The following CACNA1G variants were observed in gnomAD, a reference collection of about 807,000 sequenced individuals.
CACNA1G encodes voltage-dependent T-type calcium channel subunit alpha-1G.
CACNA1G carries 67 observed loss-of-function variants against 219.4 expected under a neutral mutation model. That is an observed-to-expected ratio of 0.31 (90% confidence interval 0.25 to 0.37). The LOEUF (loss-of-function observed/expected upper bound fraction) is 0.37, where lower values mean the gene tolerates loss of function less well. CACNA1G is among the 10% of genes least tolerant of loss of function. The pLI is 1.00. For synonymous variants in CACNA1G, 1,296 were observed against 1,345.3 expected (o/e 0.96, Z 0.80); for missense variants, 2,380 against 3,231.4 (o/e 0.74, Z 6.39).
chr17:50,577,439 G>A (rs534304883), intron 8 of CACNA1G, among the ~76,000 whole-genome samples: 17 of 149,210 alleles, frequency 1.1e-4, no homozygotes, highest in African/African-American at 3.5e-4. Flanking sequence ...GAGTGTGTGC[G>A]CACGAGTGCA....
chr17:50,623,026 T>C (rs569137492), intron 35 of CACNA1G, among the ~76,000 whole-genome samples: 5 of 151,310 alleles, frequency 3.3e-5, no homozygotes, highest in Admixed American at 6.6e-5. Flanking sequence ...TCCCTGCTCC[T>C]TGGGAGGGTC....
intron 3 of CACNA1G, 89 bp downstream of exon 3, chr17:50,569,387 C>T: frequency 7.1e-7 from 1 of 1,404,578 alleles, no homozygotes; most frequent in Non-Finnish European, 1.0e-6. Context: ...CTCTCAGCTC[C>T]AGCCCAGTTA....
In CACNA1G at chr17:50,571,802, G is replaced by A. The variant is rs566299372; in HGVS notation, c.587-76G>A. On this transcript the variant is annotated intron_variant, in intron 4 of 37. Transcript: ENST00000359106. This position sits in a 1 kb window ranked among gnomAD's most constrained non-coding sequence, Gnocchi z 4.3. The stretch of plus-strand genomic sequence containing the variant: ...TCAGAGTCCCTGGTGGGGCCCCTCC[G>A]GGAGTGCTGCCGGGCCGTGGCAGTC... The A allele has an allele frequency of 1.5e-4, 230 of 1,538,008 alleles. 1 individual carries two copies. Among genetic ancestry groups the A allele is most frequent in the African/African-American group, 1.5e-3 (107 of 73,574 alleles).
chr17:50,596,962 T>G lies in CACNA1G; in HGVS notation c.3258+39T>G. 2 of 1,475,030 alleles carry G rather than the reference T, an allele frequency of 1.4e-6. No individual in the cohort carries two copies. The highest frequency in any genetic ancestry group is 1.8e-6 in the Non-Finnish European group (2 of 1,105,250). The allele number at this position is 1,475,030 out of a possible 1,614,324, so 91.4% of individuals were successfully genotyped here. On this transcript the variant is annotated intron_variant, in intron 16 of 37. Transcript: ENST00000359106. The surrounding 1 kb of genome is among the most constrained non-coding windows in gnomAD (Gnocchi z 4.8). ...GTGGGTACCCTGATGGTGGGAGATA[T>G]TCCAAGGAGGACAGGAGGAAGAGAG...
intron 26 of CACNA1G, among the ~76,000 whole-genome samples, chr17:50,612,631 C>T (rs2049474219): frequency 1.3e-5 from 2 of 152,252 alleles, no homozygotes; most frequent in Non-Finnish European, 2.9e-5. Flanking sequence ...CTCATTGCCA[C>T]TCCCCTTTGC....
chr17:50,583,985 G>A (rs2042506781), intron 9 of CACNA1G, among the ~76,000 whole-genome samples: 1 of 152,174 alleles, frequency 6.6e-6, no homozygotes, highest in Non-Finnish European at 1.5e-5. Context: ...AGGTTCTCTG[G>A]GCCGGGGCAC....
chr17:50,624,110 C>T, intron 36 of CACNA1G, 35 bp downstream of exon 36: 5 of 1,596,396 alleles, frequency 3.1e-6, no homozygotes, highest in Non-Finnish European at 4.3e-6. Context: ...TTGGCTCACA[C>T]AGGGAGATTC....
intron 13 of CACNA1G, among the ~76,000 whole-genome samples, chr17:50,592,469 T>A (rs368355752): frequency 1.8e-3 from 280 of 152,058 alleles, no homozygotes; most frequent in African/African-American, 6.5e-3. Context: ...AGCCGAGGGG[T>A]GCAGGAGGCT....
chr17:50,592,171 C>T, intron 13 of CACNA1G, 79 bp downstream of exon 13: 1 of 1,462,718 alleles, frequency 6.8e-7, no homozygotes. Context: ...AGCCTCCTCC[C>T]TCTGTTGCCA....
intron 2 of CACNA1G, 54 bp downstream of exon 2, chr17:50,569,035 C>A (rs1446281994): frequency 1.0e-4 from 99 of 964,548 alleles, no homozygotes; most frequent in Non-Finnish European, 1.3e-4. Context: ...TGGGGGTTGG[C>A]CCCTCTTAAT....
At chr17:50,593,460 G>A (rs1250068064) in intron 13 of CACNA1G, among the ~76,000 whole-genome samples, 1 of 152,252 alleles carries the variant, frequency 6.6e-6, no homozygotes, top group Non-Finnish European at 1.5e-5. Flanking sequence ...GTCTGGAGGT[G>A]CCCAGCACAG....
chr17:50,574,540 G>C (rs1338957983), intron 7 of CACNA1G, among the ~76,000 whole-genome samples: 1 of 152,134 alleles, frequency 6.6e-6, no homozygotes, highest in Non-Finnish European at 1.5e-5. Context: ...GTGCTTCAGG[G>C]AAGTGGGGTC....
At chr17:50,588,801 G>A (rs1421266427) in intron 9 of CACNA1G, among the ~76,000 whole-genome samples, 1 of 152,222 alleles carries the variant, frequency 6.6e-6, no homozygotes, top group African/African-American at 2.4e-5. Context: ...CAGTCTGAAA[G>A]TTTATCTCTC....
intron 6 of CACNA1G, 81 bp from the exon 7 acceptor site, chr17:50,572,940 G>C (rs990142002): frequency 1.3e-5 from 21 of 1,572,328 alleles, no homozygotes; most frequent in African/African-American, 2.7e-5. Context: ...CTCAGGGTTG[G>C]GGTGGGGGTC....
At position 50,571,034 on chromosome 17, in the gene CACNA1G, A is replaced by G. The variant is rs1227689905; in HGVS notation, c.587-844A>G. On this transcript the variant is annotated intron_variant, in intron 4 of 37. Coordinates refer to ENST00000359106, the MANE Select transcript of CACNA1G (RefSeq NM_018896.5). This position sits in a 1 kb window ranked among gnomAD's most constrained non-coding sequence, Gnocchi z 4.3. ...GGCGGACTGGGGGCTGGTTCAGACC[A>G]TTTGGGCCGGTTGGGTTCTAGACCT... 1.3e-5 allele frequency among the ~76,000 whole-genome samples: 2 copies of G among 152,114 alleles called. No homozygotes were observed. Among genetic ancestry groups the G allele is most frequent in the Non-Finnish European group, 2.9e-5 (2 of 68,016 alleles).
At chr17:50,601,742 G>C (rs2046691041) in intron 19 of CACNA1G, among the ~76,000 whole-genome samples, 1 of 152,140 alleles carries the variant, frequency 6.6e-6, no homozygotes, top group East Asian at 1.9e-4. Context: ...GCTCACCCTG[G>C]GAGCTGTCTC....
rs2035513103 is a variant in CACNA1G, at chr17:50,561,265, C to T, written c.-195C>T. On this transcript the variant is annotated 5_prime_UTR_variant, in exon 1 of 38. Transcript: ENST00000359106. Reference sequence around the variant, plus strand: ...CGCGCCGGGCGGGGTTTCCCTGCGCCCCGGCGCCCCGCGGGCAGCATGCCC... The same window carrying T: ...CGCGCCGGGCGGGGTTTCCCTGCGCTCCGGCGCCCCGCGGGCAGCATGCCC... 6.7e-6 allele frequency: 4 copies of T among 594,580 alleles called. No individual in the cohort carries two copies. In the East Asian group the frequency reaches 9.7e-5, roughly 14 times the overall value. The allele number at this position is 594,580 out of a possible 1,614,324, so 36.8% of individuals were successfully genotyped here.
At chr17:50,597,800 C>T (rs1465602787) in intron 16 of CACNA1G, among the ~76,000 whole-genome samples, 1 of 152,208 alleles carries the variant, frequency 6.6e-6, no homozygotes, top group Non-Finnish European at 1.5e-5. Flanking sequence ...CCCATCCTTA[C>T]CTCTCCCAAC....
chr17:50,575,835 C>A lies in CACNA1G; in HGVS notation c.1433C>A (p.Pro478His), dbSNP rs867065467. The change falls in exon 8 of 38, where the codon CCC becomes CAC. Residue 478 changes from proline (P) to histidine (H), a missense_variant. Around this residue, in one of 17 missense-constraint regions of CACNA1G, gnomAD observed 434 missense variants for 417.3 expected, o/e 1.04. Transcript: ENST00000359106. The stretch of plus-strand genomic sequence containing the variant: ...CCCCTCGGGGGCCAGGAGACCCAGC[C>A]CAGCAGCAGCTGCTCTCGCTCCCAC... The part of the protein sequence containing the change: ...PAPLGGQETQ[P>H]SSSCSRSHRR... 1.3e-6 allele frequency: 2 copies of A among 1,550,256 alleles called. No homozygotes were observed. The highest frequency in any genetic ancestry group is 3.4e-4 in the Middle Eastern group (2 of 5,950).
Sources: allele counts gnomAD v4.1 joint callset (sites outside exome capture counted in the v4.1 genomes callset), GRCh38; gene constraint gnomAD v4.1.1; regional missense constraint gnomAD v4.1.1; non-coding constraint Gnocchi (gnomAD v3.1); transcripts MANE v1.5; gene names NCBI Gene and HGNC (gene_info 2026-07-23, HGNC 2026-07-21).